The following TENM4 variants were observed in gnomAD, a reference collection of about 807,000 sequenced individuals.
TENM4 encodes teneurin transmembrane protein 4, also known as teneurin-4.
TENM4 carries 82 observed loss-of-function variants against 243.3 expected under a neutral mutation model. The ratio of observed to expected loss-of-function variants is 0.34; its 90% CI spans 0.28 to 0.40. TENM4 has a LOEUF of 0.40. TENM4 is among the 10% of genes least tolerant of loss of function. The probability of loss-of-function intolerance (pLI) is 1.00; values close to 1 mark genes in which losing one functional copy is unlikely to be tolerated. For synonymous variants in TENM4, 1,412 were observed against 1,456.3 expected (o/e 0.97, Z 0.69); for missense variants, 3,138 against 3,673.3 (o/e 0.85, Z 3.77).
At chr11:78,968,334 G>T (rs1181863234) in intron 6 of TENM4, among the ~76,000 whole-genome samples, 1 of 152,184 alleles carries the variant, frequency 6.6e-6, no homozygotes, top group Non-Finnish European at 1.5e-5. Flanking sequence ...ACCCAGGCTG[G>T]AGTGTCATGG....
Position 78,929,755 on chromosome 11 carries a change from C to T in TENM4, c.494-26232G>A, listed in dbSNP as rs530850729. ...GATTTTCTCTTCAAGGATTTATTCTCTTGTGTCAAAAGTTCACCACCTCCA... is the reference window on the plus strand; with the variant it reads ...GATTTTCTCTTCAAGGATTTATTCTTTTGTGTCAAAAGTTCACCACCTCCA... On this transcript the variant is annotated intron_variant, in intron 6 of 33. Coordinates refer to ENST00000278550, the MANE Select transcript of TENM4 (RefSeq NM_001098816.3). 1.6e-3 allele frequency among the ~76,000 whole-genome samples: 248 copies of T among 152,306 alleles called. 1 individual carries two copies. The highest frequency in any genetic ancestry group is 5.7e-3 in the African/African-American group (236 of 41,576).
At chr11:78,879,030 G>A (rs535907268) in intron 9 of TENM4, among the ~76,000 whole-genome samples, 26 of 152,218 alleles carry the variant, frequency 1.7e-4, no homozygotes, top group African/African-American at 5.3e-4. Flanking sequence ...TGTGAGGAGC[G>A]TCTCTGCCTG....
chr11:79,113,481 T>C (rs953239540), intron 4 of TENM4, among the ~76,000 whole-genome samples: 3 of 151,512 alleles, frequency 2.0e-5, no homozygotes, highest in Non-Finnish European at 4.4e-5. Flanking sequence ...AAATCCATTT[T>C]AATCACCCTC....
At chr11:79,242,207 C>T (rs769377550) in intron 2 of TENM4, among the ~76,000 whole-genome samples, 4 of 151,742 alleles carry the variant, frequency 2.6e-5, no homozygotes, top group African/African-American at 4.9e-5. Flanking sequence ...TGGTAAATAA[C>T]GTTTATTTAA....
intron 6 of TENM4, among the ~76,000 whole-genome samples, chr11:78,951,667 G>A (rs1857111353): frequency 6.6e-6 from 1 of 152,172 alleles, no homozygotes; most frequent in Admixed American, 6.5e-5. Flanking sequence ...AGGAGAGAGA[G>A]CTCTTTGGGG....
At chr11:79,238,682 C>T (rs926915468) in intron 2 of TENM4, among the ~76,000 whole-genome samples, 1 of 151,670 alleles carries the variant, frequency 6.6e-6, no homozygotes, top group East Asian at 2.0e-4. Flanking sequence ...CTCTCTCTCT[C>T]TCCTGTTGGT....
chr11:79,421,260 C>G (rs1289440783), intron 1 of TENM4, among the ~76,000 whole-genome samples: 3 of 151,946 alleles, frequency 2.0e-5, no homozygotes, highest in Non-Finnish European at 4.4e-5. Context: ...GTCACCCCCC[C>G]TCAAAAAAAA....
intron 1 of TENM4, among the ~76,000 whole-genome samples, chr11:79,400,825 C>A (rs556551178): frequency 4.6e-5 from 7 of 152,320 alleles, no homozygotes; most frequent in African/African-American, 1.7e-4. Flanking sequence ...ACAGACATTG[C>A]AGTTTGCCAT....
intron 1 of TENM4, among the ~76,000 whole-genome samples, chr11:79,409,407 G>A (rs1159153507): frequency 6.6e-6 from 1 of 152,126 alleles, no homozygotes; most frequent in Non-Finnish European, 1.5e-5. Context: ...GTTCATAAGA[G>A]TGAGGCATAT....
At chr11:79,425,425 C>A (rs1369458212) in intron 1 of TENM4, among the ~76,000 whole-genome samples, 1 of 152,192 alleles carries the variant, frequency 6.6e-6, no homozygotes, top group African/African-American at 2.4e-5. Context: ...ACATCCCTAG[C>A]ACATCTCAGT....
At chr11:79,432,486 C>T (rs1349381742) in intron 1 of TENM4, among the ~76,000 whole-genome samples, 2 of 152,186 alleles carry the variant, frequency 1.3e-5, no homozygotes, top group East Asian at 1.9e-4. Context: ...GAACTGGATC[C>T]TTTCACTGTG....
intron 6 of TENM4, among the ~76,000 whole-genome samples, chr11:79,062,516 T>C (rs1308977622): frequency 2.6e-5 from 4 of 152,216 alleles, no homozygotes; most frequent in Non-Finnish European, 5.9e-5. Flanking sequence ...TCCATTAGCA[T>C]GCACATTAAC....
chr11:78,687,056 A>G (rs1453073800), intron 29 of TENM4, among the ~76,000 whole-genome samples: 3 of 152,200 alleles, frequency 2.0e-5, no homozygotes, highest in African/African-American at 7.2e-5. Flanking sequence ...TCGACTGAGC[A>G]GCCCTGTGGG....
chr11:79,200,628 T>A (rs1446558783), intron 3 of TENM4, among the ~76,000 whole-genome samples: 1 of 152,206 alleles, frequency 6.6e-6, no homozygotes, highest in African/African-American at 2.4e-5. Flanking sequence ...TAGAGGCAGC[T>A]GCTATTTTCA....
At chr11:78,946,626 A>G (rs570269186) in intron 6 of TENM4, among the ~76,000 whole-genome samples, 1 of 152,368 alleles carries the variant, frequency 6.6e-6, no homozygotes, top group Non-Finnish European at 1.5e-5. Context: ...CCTCTGATGG[A>G]TCTGGGCAAA....
chr11:79,307,367 C>T (rs191319081), intron 1 of TENM4, among the ~76,000 whole-genome samples: 24 of 152,230 alleles, frequency 1.6e-4, no homozygotes, highest in African/African-American at 4.3e-4. Context: ...CACCTTCCAC[C>T]GGCCGCACAA....
chr11:78,803,109 C>A (rs536086452), intron 15 of TENM4, among the ~76,000 whole-genome samples: 19 of 151,892 alleles, frequency 1.3e-4, no homozygotes, highest in African/African-American at 3.4e-4. Flanking sequence ...CAGCTCACTG[C>A]AACCTCTGCC....
At chr11:79,092,341 A>G (rs950601734) in intron 4 of TENM4, among the ~76,000 whole-genome samples, 1 of 152,182 alleles carries the variant, frequency 6.6e-6, no homozygotes, top group Non-Finnish European at 1.5e-5. Flanking sequence ...GAGGGAGCCA[A>G]GTGAATGATC....
chr11:79,370,170 T>C (rs901484874), intron 1 of TENM4, among the ~76,000 whole-genome samples: 7 of 152,208 alleles, frequency 4.6e-5, no homozygotes, highest in African/African-American at 1.7e-4. Context: ...AGGCCCCAGG[T>C]TCCCTGAGCC....
Sources: gnomAD v4.1 joint callset for allele counts (sites outside exome capture counted in the v4.1 genomes callset) on GRCh38, gnomAD v4.1.1 for gene constraint, MANE v1.5 for transcripts, NCBI Gene and HGNC (gene_info 2026-07-23, HGNC 2026-07-21) for gene names.